TNKS: variants seen among roughly 807,000 people sequenced by gnomAD.
TNKS encodes tankyrase.
In TNKS, 72 loss-of-function variants were observed where a neutral mutation model predicts 135.8. The ratio of observed to expected loss-of-function variants is 0.53; its 90% CI spans 0.44 to 0.64. The LOEUF (loss-of-function observed/expected upper bound fraction) is 0.64, where lower values mean the gene tolerates loss of function less well. TNKS is among the 30% of genes least tolerant of loss of function. The pLI, the probability that TNKS is intolerant of heterozygous loss-of-function variation, is 0.00. For synonymous variants in TNKS, 849 were observed against 649.3 expected, an observed-to-expected ratio of 1.31 and a Z score of -4.68; for missense variants, 1,769 against 1,674.0, an observed-to-expected ratio of 1.06 and a Z score of -0.99.
chr8:9,664,268 C>T (rs994995206), intron 3 of TNKS, among the ~76,000 whole-genome samples: 2 of 152,076 alleles, frequency 1.3e-5, no homozygotes, highest in African/African-American at 4.8e-5. Flanking sequence ...TGTGCAAAGA[C>T]GACATGGCAA....
chr8:9,570,209 G>A (rs1797703784), intron 1 of TNKS, among the ~76,000 whole-genome samples: 1 of 152,154 alleles, frequency 6.6e-6, no homozygotes, highest in Admixed American at 6.5e-5. Context: ...GGAGTCCAAG[G>A]TGGGAGGATT....
At position 9,766,203 on chromosome 8, in the gene TNKS, G is replaced by A. The variant is rs1305830049; in HGVS notation, c.3554-36G>A. The A allele has an allele frequency of 2.6e-6, 4 of 1,567,068 alleles. No individual in the cohort carries two copies. In the African/African-American group the frequency reaches 4.1e-5, roughly 16 times the overall value. ...CAGGTAATTGAGCTTCTAGAAAAGTGTTCAAAAACGAATCTTTCTGTCTTC... is the reference window on the plus strand; with the variant it reads ...CAGGTAATTGAGCTTCTAGAAAAGTATTCAAAAACGAATCTTTCTGTCTTC... On this transcript the variant is annotated intron_variant, in intron 24 of 26. Coordinates refer to ENST00000310430, the MANE Select transcript of TNKS (RefSeq NM_003747.3).
intron 2 of TNKS, among the ~76,000 whole-genome samples, chr8:9,582,716 A>G (rs528937097): frequency 1.8e-4 from 27 of 152,326 alleles, no homozygotes; most frequent in African/African-American, 6.5e-4. Flanking sequence ...TAAAATATTT[A>G]GAAGAGTACC....
At chr8:9,609,304 G>T (rs540092336) in intron 2 of TNKS, among the ~76,000 whole-genome samples, 1 of 152,090 alleles carries the variant, frequency 6.6e-6, no homozygotes. Context: ...TTATTTATAG[G>T]AGTTACTGCC....
Position 9,765,700 on chromosome 8 carries a change from A to C in TNKS, c.3456A>C (p.Lys1152Asn). 6.2e-7 allele frequency: 1 copy of C among 1,613,616 alleles called. No individual in the cohort carries two copies. Among genetic ancestry groups the C allele is most frequent in the Non-Finnish European group, 8.5e-7 (1 of 1,179,648 alleles). The change falls in exon 24 of 27, where the codon AAA (lysine) becomes AAC (asparagine). Residue 1152 changes from lysine (K) to asparagine (N), a missense_variant. This residue lies in a region of TNKS where 722 missense variants were observed against 688.9 expected (regional missense o/e 1.05). Coordinates refer to ENST00000310430, the MANE Select transcript of TNKS (RefSeq NM_003747.3). ...CTTCTTCATCCTTAAAGATTCAAAA[A>C]GTTGTCAACAAGAAGTTGAGGGAGC... is the stretch of plus-strand genomic sequence containing the variant. ...FNRYNVIRIQ[K>N]VVNKKLRERF...
intron 1 of TNKS, among the ~76,000 whole-genome samples, chr8:9,573,831 C>T (rs980715065): frequency 6.6e-6 from 1 of 152,160 alleles, no homozygotes; most frequent in Non-Finnish European, 1.5e-5. Flanking sequence ...TAGATAAAAA[C>T]ATCAGTTTAA....
chr8:9,699,223 C>G (rs540073889), intron 5 of TNKS, among the ~76,000 whole-genome samples: 1 of 152,318 alleles, frequency 6.6e-6, no homozygotes, highest in African/African-American at 2.4e-5. Flanking sequence ...AAATGATACT[C>G]TGTTAATTAT....
intron 12 of TNKS, among the ~76,000 whole-genome samples, chr8:9,723,434 AC>A (rs1245126620): frequency 1.3e-5 from 2 of 152,038 alleles, no homozygotes; most frequent in Admixed American, 1.3e-4. Flanking sequence ...TTTGAGATCT[AC>A]TTTAGAAACC....
chr8:9,715,733 A>G (rs1181250804), intron 11 of TNKS, among the ~76,000 whole-genome samples: 1 of 152,196 alleles, frequency 6.6e-6, no homozygotes, highest in East Asian at 1.9e-4. Context: ...GAGTTACAAG[A>G]ACATTGGAGC....
rs1808453473 is a variant in TNKS at position 9,781,437 on chromosome 8, C to T, written c.*4701C>T. The T allele has an allele frequency of 6.6e-6, 1 of 152,176 alleles. No homozygotes were observed. Among genetic ancestry groups the T allele is most frequent in the Non-Finnish European group, 1.5e-5 (1 of 68,024 alleles). The allele number at this position is 152,176 out of a possible 1,614,324, so 9.4% of individuals were successfully genotyped here. On this transcript the variant is annotated 3_prime_UTR_variant, in exon 27 of 27. Coordinates refer to ENST00000310430, the MANE Select transcript of TNKS (RefSeq NM_003747.3). Reference sequence around the variant, plus strand: ...CCCTCCCAAAGTTCAGGATGAAAGGCTAGAAAACCCATTCAAAGTTAGGAA... The same window carrying T: ...CCCTCCCAAAGTTCAGGATGAAAGGTTAGAAAACCCATTCAAAGTTAGGAA...
intron 2 of TNKS, among the ~76,000 whole-genome samples, chr8:9,581,449 C>T (rs1002522421): frequency 3.3e-5 from 5 of 152,200 alleles, no homozygotes; most frequent in African/African-American, 1.2e-4. Context: ...AAGTCTCTCA[C>T]TAACATAGCC....
At chr8:9,671,712 A>G (rs564812379) in intron 3 of TNKS, among the ~76,000 whole-genome samples, 4 of 152,348 alleles carry the variant, frequency 2.6e-5, no homozygotes, top group African/African-American at 7.2e-5. Context: ...CAAAACCCAC[A>G]GAACCATCTG....
rs555452804 is a variant in TNKS at position 9,661,659 on chromosome 8, G to A, written c.995-18292G>A. Among the ~76,000 whole-genome samples the A allele has an allele frequency of 3.6e-4, 54 of 152,110 alleles. No homozygotes were observed. In the South Asian group the frequency reaches 9.1e-3, roughly 26 times the overall value. On this transcript the variant is annotated intron_variant, in intron 3 of 26. Coordinates refer to ENST00000310430, the MANE Select transcript of TNKS (RefSeq NM_003747.3). ...GAAGAAAACCTAGGCAATACCATTC[G>A]GGACATAGGCATGGGCAAGGACTTC...
intron 2 of TNKS, among the ~76,000 whole-genome samples, chr8:9,613,008 G>C (rs1799518259): frequency 6.6e-6 from 1 of 152,080 alleles, no homozygotes; most frequent in Admixed American, 6.6e-5. Context: ...CCATTGAGTG[G>C]GCTGAGAAGG....
rs553675516 is a variant in TNKS, at chr8:9,676,179, T to C, written c.995-3772T>C. Among the ~76,000 whole-genome samples, 247 of 151,798 alleles carry C rather than the reference T, an allele frequency of 1.6e-3. 1 individual carries two copies. The highest frequency in any genetic ancestry group is 9.7e-4 in the East Asian group (5 of 5,140). On this transcript the variant is annotated intron_variant, in intron 3 of 26. Coordinates refer to ENST00000310430, the MANE Select transcript of TNKS (RefSeq NM_003747.3). ...AGCATCCACCACCATGCCTGGCTAA[T>C]TTTTTGTGTTTTTAGTAGAGATGGG...
At position 9,719,753 on chromosome 8, in the gene TNKS, T is replaced by C. The variant is rs986763472; in HGVS notation, c.1750-621T>C. ...GACCAGATTAAGAACATGATGCCAG[T>C]GTTTCACATTGTCTTAAGCAGTCTC... is the stretch of plus-strand genomic sequence containing the variant. On this transcript the variant is annotated intron_variant, in intron 11 of 26. Transcript: ENST00000310430. 4.6e-4 allele frequency among the ~76,000 whole-genome samples: 70 copies of C among 152,204 alleles called. 1 individual carries two copies. Among genetic ancestry groups the C allele is most frequent in the Admixed American group, 1.1e-3 (17 of 15,276 alleles).
chr8:9,686,758 G>T (rs1011797759), intron 5 of TNKS, among the ~76,000 whole-genome samples: 2 of 151,994 alleles, frequency 1.3e-5, no homozygotes, highest in Non-Finnish European at 2.9e-5. Flanking sequence ...GGTATTGTGG[G>T]AAAAAGCAGG....
intron 1 of TNKS, among the ~76,000 whole-genome samples, chr8:9,560,911 C>G (rs1245369505): frequency 6.6e-6 from 1 of 151,948 alleles, no homozygotes; most frequent in African/African-American, 2.4e-5. Context: ...CAAAGTGTCT[C>G]TTTCTTTTAC....
chr8:9,618,199 C>G (rs947508384), intron 3 of TNKS, among the ~76,000 whole-genome samples: 18 of 152,254 alleles, frequency 1.2e-4, no homozygotes, highest in Middle Eastern at 3.4e-3. Flanking sequence ...GCTGGCCAGG[C>G]TGATCTCGAA....
Sources: gnomAD v4.1 joint callset for allele counts (sites outside exome capture counted in the v4.1 genomes callset) on GRCh38, gnomAD v4.1.1 for gene constraint, gnomAD v4.1.1 regional missense constraint, MANE v1.5 for transcripts, NCBI Gene and HGNC (gene_info 2026-07-23, HGNC 2026-07-21) for gene names.